MYCBP2: variants seen among roughly 807,000 people sequenced by gnomAD.
MYCBP2 encodes E3 ubiquitin-protein ligase MYCBP2.
A neutral mutation model predicts 525.3 loss-of-function variants in MYCBP2; 120 were observed. The ratio of observed to expected loss-of-function variants is 0.23; its 90% CI spans 0.20 to 0.27. The LOEUF (loss-of-function observed/expected upper bound fraction) is 0.27, where lower values mean the gene tolerates loss of function less well. MYCBP2 is among the 10% of genes least tolerant of loss of function. The pLI is 1.00. For synonymous variants in MYCBP2, 1,894 were observed against 1,955.8 expected (o/e 0.97, Z 0.83); for missense variants, 4,149 against 5,657.1 (o/e 0.73, Z 8.55).
In MYCBP2 at chr13:77,105,076, C is replaced by T. The variant is rs190163272; in HGVS notation, c.8141-6063G>A. On this transcript the variant is annotated intron_variant, in intron 55 of 82. Coordinates refer to ENST00000544440, the MANE Select transcript of MYCBP2 (RefSeq NM_015057.5). ...AGACACGAACTAGAACGGTGGCAGC[C>T]TCTGAATGGAAGAGTTAATTCAGGG... 1.5e-3 allele frequency among the ~76,000 whole-genome samples: 234 copies of T among 152,102 alleles called. 1 individual carries two copies. The highest frequency in any genetic ancestry group is 5.3e-3 in the African/African-American group (222 of 41,516).
chr13:77,133,963 T>G (rs1379209493), intron 52 of MYCBP2, among the ~76,000 whole-genome samples: 1 of 152,154 alleles, frequency 6.6e-6, no homozygotes, highest in East Asian at 1.9e-4. Flanking sequence ...CCCTCCCCTC[T>G]GCATCTCCAC....
intron 59 of MYCBP2, among the ~76,000 whole-genome samples, chr13:77,092,094 A>AC (rs1183098487): frequency 3.3e-5 from 5 of 151,468 alleles, no homozygotes; most frequent in Non-Finnish European, 4.4e-5. Flanking sequence ...AAAAAAAAAA[A>AC]ACCTCATTTG....
intron 13 of MYCBP2, among the ~76,000 whole-genome samples, chr13:77,258,653 T>C (rs1217400236): frequency 6.6e-6 from 1 of 152,150 alleles, no homozygotes; most frequent in Non-Finnish European, 1.5e-5. Flanking sequence ...TTTTTGTTAA[T>C]TATACCTCAA....
intron 29 of MYCBP2, 46 bp from the exon 30 acceptor site, chr13:77,189,093 T>C (rs1326495131): frequency 6.6e-6 from 9 of 1,362,976 alleles, no homozygotes; most frequent in African/African-American, 1.5e-5. Flanking sequence ...AAGTCCAATG[T>C]CATTTTTTCT....
chr13:77,319,805 T>TGCCA (rs1207194951), intron 1 of MYCBP2, among the ~76,000 whole-genome samples: 1 of 152,174 alleles, frequency 6.6e-6, no homozygotes, highest in African/African-American at 2.4e-5. Flanking sequence ...CGATTCTCAT[T>TGCCA]GCCAGCCAGC....
At chr13:77,305,024 A>G (rs2079231768) in intron 1 of MYCBP2, among the ~76,000 whole-genome samples, 1 of 152,084 alleles carries the variant, frequency 6.6e-6, no homozygotes, top group African/African-American at 2.4e-5. Flanking sequence ...AAATCTATCC[A>G]CAAAGAAAAC....
At chr13:77,168,321 A>T in intron 40 of MYCBP2, 107 bp downstream of exon 40, 1 of 859,528 alleles carries the variant, frequency 1.2e-6, no homozygotes, top group Non-Finnish European at 1.8e-6. Flanking sequence ...TGTAAATACT[A>T]TAAAAGAAAA....
intron 14 of MYCBP2, among the ~76,000 whole-genome samples, chr13:77,252,675 T>C (rs1234767524): frequency 6.6e-6 from 1 of 152,134 alleles, no homozygotes; most frequent in East Asian, 1.9e-4. Flanking sequence ...TACAGGTCTA[T>C]CTAACCAAGA....
intron 47 of MYCBP2, 56 bp downstream of exon 47, chr13:77,150,678 G>T: frequency 2.1e-6 from 3 of 1,414,248 alleles, no homozygotes; most frequent in South Asian, 1.2e-5. Flanking sequence ...CTGAAATGTT[G>T]GTTAAATAAA....
At chr13:77,325,480 A>G (rs2082175514) in intron 1 of MYCBP2, among the ~76,000 whole-genome samples, 3 of 152,218 alleles carry the variant, frequency 2.0e-5, no homozygotes, top group Non-Finnish European at 2.9e-5. Flanking sequence ...GAGAGCCCTC[A>G]GCAAAAAAAA....
intron 55 of MYCBP2, among the ~76,000 whole-genome samples, chr13:77,113,499 A>G (rs965247079): frequency 1.3e-5 from 2 of 152,154 alleles, no homozygotes; most frequent in African/African-American, 2.4e-5. Context: ...GGAAGAATGA[A>G]TAAGTCATCT....
intron 73 of MYCBP2, among the ~76,000 whole-genome samples, chr13:77,064,106 G>A (rs1313310624): frequency 6.6e-6 from 1 of 152,172 alleles, no homozygotes; most frequent in African/African-American, 2.4e-5. Context: ...TCTGAAGAAT[G>A]CAATCTCATT....
intron 80 of MYCBP2, among the ~76,000 whole-genome samples, chr13:77,053,984 A>C (rs1361773242): frequency 6.6e-6 from 1 of 152,190 alleles, no homozygotes; most frequent in Non-Finnish European, 1.5e-5. Flanking sequence ...CATAATGCAG[A>C]ATAGGGAGTT....
intron 1 of MYCBP2, among the ~76,000 whole-genome samples, chr13:77,308,521 C>T (rs1377226161): frequency 1.3e-5 from 2 of 152,196 alleles, no homozygotes; most frequent in Non-Finnish European, 2.9e-5. Flanking sequence ...AAAACAGTAC[C>T]TCTCCCACTG....
chr13:77,140,171 A>T lies in MYCBP2; in HGVS notation c.7402-8T>A. ...GGCCACAAATTTTCGAACCTGAGAA[A>T]GGCAAAGATAAACAGTGAGGTAGGA... On this transcript the variant is annotated splice_polypyrimidine_tract_variant and splice_region_variant and intron_variant, in intron 50 of 82. Coordinates refer to ENST00000544440, the MANE Select transcript of MYCBP2 (RefSeq NM_015057.5). 6.4e-7 allele frequency: 1 copy of T among 1,572,558 alleles called. No homozygotes were observed. The highest frequency in any genetic ancestry group is 8.6e-7 in the Non-Finnish European group (1 of 1,156,108).
At chr13:77,046,628 G>T (rs1414573113) in intron 82 of MYCBP2, among the ~76,000 whole-genome samples, 2 of 152,178 alleles carry the variant, frequency 1.3e-5, no homozygotes, top group Non-Finnish European at 2.9e-5. Flanking sequence ...ACTGAGGCCT[G>T]ATCTAGAGGA....
intron 3 of MYCBP2, among the ~76,000 whole-genome samples, chr13:77,286,789 A>AAAAAAAAAATATAT (rs2076859155): frequency 2.4e-5 from 1 of 42,290 alleles, no homozygotes; most frequent in African/African-American, 1.1e-4. Flanking sequence ...AAAAAAAAAA[A>AAAAAAAAAATATAT]ATATATATAT....
chr13:77,169,248 T>C (rs1284114840), intron 39 of MYCBP2, among the ~76,000 whole-genome samples: 4 of 151,716 alleles, frequency 2.6e-5, no homozygotes, highest in African/African-American at 9.7e-5. Flanking sequence ...TACAAAAAAT[T>C]AGCCGGGCGC....
At chr13:77,050,480 G>A (rs1290835624) in intron 82 of MYCBP2, among the ~76,000 whole-genome samples, 1 of 151,738 alleles carries the variant, frequency 6.6e-6, no homozygotes, top group Non-Finnish European at 1.5e-5. Context: ...GCTTCTTTTT[G>A]GTTTCATACT....
Sources: gnomAD v4.1 joint callset for allele counts (sites outside exome capture counted in the v4.1 genomes callset) on GRCh38, gnomAD v4.1.1 for gene constraint, MANE v1.5 for transcripts, NCBI Gene and HGNC (gene_info 2026-07-23, HGNC 2026-07-21) for gene names.